CA10: variants seen among roughly 807,000 people sequenced by gnomAD.
CA10 encodes the protein carbonic anhydrase 10 (inactive), also known as carbonic anhydrase-related protein 10.
In CA10, 14 loss-of-function variants were observed where a neutral mutation model predicts 44.2. That is an observed-to-expected ratio of 0.32 (90% CI 0.21 to 0.50). The LOEUF (loss-of-function observed/expected upper bound fraction) is 0.50, where lower values mean the gene tolerates loss of function less well. CA10 is among the 20% of genes least tolerant of loss of function. CA10 has a pLI of 0.99. For missense variants in CA10, 350 were observed against 409.7 expected, an observed-to-expected ratio of 0.85 and a Z score of 1.26; for synonymous variants, 159 against 141.6, an observed-to-expected ratio of 1.12 and a Z score of -0.87.
At chr17:51,745,133 A>G (rs1337820380) in intron 4 of CA10, among the ~76,000 whole-genome samples, 3 of 152,266 alleles carry the variant, frequency 2.0e-5, no homozygotes, top group South Asian at 4.1e-4. Context: ...TGCCATTTCC[A>G]GGGGACAATT....
chr17:51,885,682 T>C (rs1024717823), intron 3 of CA10, among the ~76,000 whole-genome samples: 3 of 152,234 alleles, frequency 2.0e-5, no homozygotes, highest in Non-Finnish European at 2.9e-5. Flanking sequence ...TGTAGAATCA[T>C]GACAACACAA....
chr17:52,103,657 T>C (rs1988591816), intron 1 of CA10, among the ~76,000 whole-genome samples: 1 of 152,222 alleles, frequency 6.6e-6, no homozygotes, highest in African/African-American at 2.4e-5. Flanking sequence ...CTAGGGTGAT[T>C]TTGGCATTGA....
intron 1 of CA10, among the ~76,000 whole-genome samples, chr17:52,149,281 G>A (rs1989653594): frequency 6.6e-6 from 1 of 152,232 alleles, no homozygotes; most frequent in African/African-American, 2.4e-5. Context: ...ATTGGACAAA[G>A]TTAAAGATTA....
chr17:51,785,933 A>G lies in CA10; in HGVS notation c.280-38115T>C, dbSNP rs1049153046. On this transcript the variant is annotated intron_variant, in intron 3 of 8. Coordinates refer to ENST00000451037, the MANE Select transcript of CA10 (RefSeq NM_020178.5). ...GTAACAATATGGAGTCTTCCAATCC[A>G]TGAACATGGAATATCTTTCCACTTT... 2.0e-5 allele frequency among the ~76,000 whole-genome samples: 3 copies of G among 152,186 alleles called. No homozygotes were observed. In the East Asian group the frequency reaches 5.8e-4, roughly 29 times the overall value.
Position 51,913,272 on chromosome 17 carries a change from C to T in CA10, c.279+17718G>A, listed in dbSNP as rs548366147. ...CTTTGGAACTGAGAGTGAGAATCCC[C>T]AGAAAAGCAGGGGGGAGGAAATGCA... On this transcript the variant is annotated intron_variant, in intron 3 of 8. Coordinates refer to ENST00000451037, the MANE Select transcript of CA10 (RefSeq NM_020178.5). 5.9e-5 allele frequency among the ~76,000 whole-genome samples: 9 copies of T among 152,214 alleles called. No individual in the cohort carries two copies. In the East Asian group the frequency reaches 1.7e-3, roughly 30 times the overall value.
intron 3 of CA10, among the ~76,000 whole-genome samples, chr17:51,771,149 G>C (rs947610830): frequency 1.8e-4 from 11 of 62,276 alleles, no homozygotes; most frequent in African/African-American, 6.4e-4. Context: ...AAAAAAAAAA[G>C]ACCAGATCTC....
intron 3 of CA10, among the ~76,000 whole-genome samples, chr17:51,803,240 G>T (rs1401780950): frequency 6.6e-6 from 1 of 152,144 alleles, no homozygotes; most frequent in Admixed American, 6.5e-5. Flanking sequence ...ATAAGGATGG[G>T]GTTTTCTGCC....
intron 3 of CA10, among the ~76,000 whole-genome samples, chr17:51,808,147 C>T (rs879387858): frequency 2.6e-5 from 4 of 152,174 alleles, no homozygotes; most frequent in Non-Finnish European, 4.4e-5. Context: ...AACATGTCAG[C>T]CTAGCCATAA....
intron 3 of CA10, among the ~76,000 whole-genome samples, chr17:51,905,466 T>C (rs1240046671): frequency 2.0e-5 from 3 of 151,706 alleles, no homozygotes; most frequent in African/African-American, 7.3e-5. Context: ...GGAATTTCTA[T>C]CATTTTCTGG....
At chr17:51,971,674 TAAA>T (rs1221482058) in intron 2 of CA10, among the ~76,000 whole-genome samples, 1 of 152,182 alleles carries the variant, frequency 6.6e-6, no homozygotes, top group Non-Finnish European at 1.5e-5. Context: ...TGGAAATGTT[TAAA>T]AATATTAATG....
At chr17:51,693,474 A>C (rs1244439719) in intron 4 of CA10, among the ~76,000 whole-genome samples, 1 of 152,040 alleles carries the variant, frequency 6.6e-6, no homozygotes, top group Non-Finnish European at 1.5e-5. Context: ...ATAGTTTTTC[A>C]GCTTTTCACC....
At chr17:51,668,889 T>A (rs2143340467) in intron 4 of CA10, among the ~76,000 whole-genome samples, 1 of 152,268 alleles carries the variant, frequency 6.6e-6, no homozygotes, top group South Asian at 2.1e-4. Context: ...TCACAGGCCC[T>A]GGGCAGTGAG....
chr17:51,798,977 A>AATG (rs1187630772), intron 3 of CA10, among the ~76,000 whole-genome samples: 1 of 152,206 alleles, frequency 6.6e-6, no homozygotes, highest in East Asian at 1.9e-4. Flanking sequence ...GAGCCAGTCA[A>AATG]ATGCACAGGG....
intron 6 of CA10, 127 bp from the exon 7 acceptor site, chr17:51,636,136 G>C (rs1912818196): frequency 4.1e-6 from 2 of 493,444 alleles, no homozygotes; most frequent in African/African-American, 2.0e-5. Flanking sequence ...AGATATATAT[G>C]TATTTCTTTT....
chr17:52,116,023 C>T (rs1006901753), intron 1 of CA10, among the ~76,000 whole-genome samples: 26 of 151,064 alleles, frequency 1.7e-4, no homozygotes, highest in African/African-American at 4.1e-4. Context: ...ACCTGGGAGG[C>T]GGAGATTGCA....
rs142532826 is a variant in CA10, at chr17:51,675,287, T to C, written c.466-21551A>G. 3.3e-5 allele frequency among the ~76,000 whole-genome samples: 5 copies of C among 152,246 alleles called. No individual in the cohort carries two copies. The East Asian group carries it at 5.8e-4, about 18-fold the overall frequency. On this transcript the variant is annotated intron_variant, in intron 4 of 8. Coordinates refer to ENST00000451037, the MANE Select transcript of CA10 (RefSeq NM_020178.5). Reference sequence around the variant, plus strand: ...AAAATTCCCAGTTCTCAGTCGGGCATGGTGGCTCATGCCTATAATCCTAGC... The same window carrying C: ...AAAATTCCCAGTTCTCAGTCGGGCACGGTGGCTCATGCCTATAATCCTAGC...
Position 51,796,776 on chromosome 17 carries a change from A to G in CA10, c.280-48958T>C, listed in dbSNP as rs112932032. On this transcript the variant is annotated intron_variant, in intron 3 of 8. Coordinates refer to ENST00000451037, the MANE Select transcript of CA10 (RefSeq NM_020178.5). ...ACTCCCTGTAGTCTTGTCCATTGCT[A>G]AGCCCGCTTGCATCCATGCAAGGAG... 5.2e-3 allele frequency among the ~76,000 whole-genome samples: 792 copies of G among 152,228 alleles called. 9 individuals are homozygous for G. Among genetic ancestry groups the G allele is most frequent in the African/African-American group, 0.018 (749 of 41,546 alleles).
chr17:51,855,187 G>A (rs866731936), intron 3 of CA10, among the ~76,000 whole-genome samples: 4 of 152,234 alleles, frequency 2.6e-5, no homozygotes, highest in African/African-American at 4.8e-5. Flanking sequence ...GGAGGATAAC[G>A]CCAGCTTGAA....
chr17:51,901,668 C>T (rs181279574), intron 3 of CA10, among the ~76,000 whole-genome samples: 24 of 152,130 alleles, frequency 1.6e-4, no homozygotes, highest in Admixed American at 2.6e-4. Flanking sequence ...GCTGAGATTG[C>T]GCCACTGCAC....
Sources: gnomAD v4.1 joint callset for allele counts (sites outside exome capture counted in the v4.1 genomes callset) on GRCh38, gnomAD v4.1.1 for gene constraint, MANE v1.5 for transcripts, NCBI Gene and HGNC (gene_info 2026-07-23, HGNC 2026-07-21) for gene names.